Variants in QTGAL observed in about 807,000 individuals in gnomAD.
The protein encoded by QTGAL is BGnT-like protein 1.
the QTGAL span, among the ~76,000 whole-genome samples, chr17:83,039,661 G>T: frequency 6.6e-6 from 1 of 152,304 alleles, no homozygotes; most frequent in East Asian, 1.9e-4. Flanking sequence ...ACACACTGCA[G>T]ATTAGCTCAT....
At chr17:83,007,768 C>G in the QTGAL span, among the ~76,000 whole-genome samples, 1 of 152,144 alleles carries the variant, frequency 6.6e-6, no homozygotes, top group Admixed American at 6.5e-5. Flanking sequence ...AGAGTGAGGA[C>G]GGGGTGGGGG....
the QTGAL span, among the ~76,000 whole-genome samples, chr17:82,982,960 T>C: frequency 6.6e-6 from 1 of 152,136 alleles, no homozygotes; most frequent in Non-Finnish European, 1.5e-5. Flanking sequence ...GGGGGGTACA[T>C]AGGAACTCTC....
chr17:82,974,437 G>A, the QTGAL span, among the ~76,000 whole-genome samples: 2 of 152,196 alleles, frequency 1.3e-5, no homozygotes, highest in African/African-American at 4.8e-5. Flanking sequence ...GGAGCTGCCC[G>A]CAAAGCAGCC....
the QTGAL span, among the ~76,000 whole-genome samples, chr17:83,015,675 G>A: frequency 6.6e-6 from 1 of 152,238 alleles, no homozygotes; most frequent in African/African-American, 2.4e-5. This position sits in a 1 kb window ranked among gnomAD's most constrained non-coding sequence, Gnocchi z 4.4. Flanking sequence ...CAGCAGGAGT[G>A]AGCGGCGGCC....
At chr17:83,044,525 C>T in the QTGAL span, among the ~76,000 whole-genome samples, 139 of 152,296 alleles carry the variant, frequency 9.1e-4, no homozygotes, top group African/African-American at 3.2e-3. Flanking sequence ...CTACAGCTAA[C>T]GTCATATTCA....
chr17:83,038,796 T>G, the QTGAL span, among the ~76,000 whole-genome samples: 1 of 151,812 alleles, frequency 6.6e-6, no homozygotes, highest in South Asian at 2.1e-4. Flanking sequence ...GAGGTGGAGC[T>G]TGCAGTGAGC....
the QTGAL span, among the ~76,000 whole-genome samples, chr17:83,013,447 C>T: frequency 7.4e-6 from 1 of 135,818 alleles, no homozygotes; most frequent in Non-Finnish European, 1.6e-5. Flanking sequence ...CCCTCCCAAC[C>T]CCCTCTGGTT....
chr17:82,971,685 AC>A, the QTGAL span, among the ~76,000 whole-genome samples: 6 of 19,786 alleles, frequency 3.0e-4, no homozygotes, highest in Admixed American at 9.2e-4. Flanking sequence ...CCTGGTGCCC[AC>A]CACACCACAC....
the QTGAL span, among the ~76,000 whole-genome samples, chr17:82,955,835 C>T: frequency 6.6e-6 from 1 of 152,178 alleles, no homozygotes; most frequent in Non-Finnish European, 1.5e-5. Flanking sequence ...GGAATGAGTT[C>T]ATGTCCTTTG....
the QTGAL span, among the ~76,000 whole-genome samples, chr17:83,013,548 G>A: frequency 8.7e-5 from 13 of 149,078 alleles, no homozygotes; most frequent in African/African-American, 1.2e-4. Flanking sequence ...GAACTGTCAC[G>A]AGCACCCACT....
At chr17:82,993,923 AAAGT>A in the QTGAL span, among the ~76,000 whole-genome samples, 69 of 152,298 alleles carry the variant, frequency 4.5e-4, no homozygotes, top group South Asian at 1.4e-3. Flanking sequence ...GTCAATGAAG[AAAGT>A]AAGAAGGAAC....
At chr17:83,005,295 G>C in the QTGAL span, 33 of 1,146,902 alleles carry the variant, frequency 2.9e-5, no homozygotes, top group Non-Finnish European at 4.2e-5. The surrounding 1 kb of genome is among the most constrained non-coding windows in gnomAD (Gnocchi z 5.6). Flanking sequence ...CATCTCACAT[G>C]TTTTAGGCAG....
chr17:83,009,862 C>A, the QTGAL span, among the ~76,000 whole-genome samples: 3 of 151,870 alleles, frequency 2.0e-5, no homozygotes, highest in African/African-American at 7.3e-5. Context: ...AGAAAAGAAA[C>A]CAGTTGCATT....
the QTGAL span, among the ~76,000 whole-genome samples, chr17:82,953,487 A>G: frequency 6.6e-6 from 1 of 152,232 alleles, no homozygotes; most frequent in African/African-American, 2.4e-5. Context: ...CCCTGAAAAG[A>G]CCAATAACAA....
chr17:82,950,256 C>G, the QTGAL span, among the ~76,000 whole-genome samples: 1 of 152,190 alleles, frequency 6.6e-6, no homozygotes. Context: ...CAGCCGGCTC[C>G]CTGGGAAGGG....
chr17:82,972,532 G>A, the QTGAL span, among the ~76,000 whole-genome samples: 3 of 108,278 alleles, frequency 2.8e-5, no homozygotes, highest in Admixed American at 9.5e-5. Context: ...ACCTGGTGCC[G>A]ACCACACCAC....
At chr17:82,972,618 A>C in the QTGAL span, among the ~76,000 whole-genome samples, 2 of 104,840 alleles carry the variant, frequency 1.9e-5, no homozygotes, top group Non-Finnish European at 1.8e-5. Flanking sequence ...GACACACCAC[A>C]CCATGGGCCA....
the QTGAL span, chr17:82,947,185 G>A: frequency 1.9e-6 from 1 of 519,920 alleles, no homozygotes; most frequent in Admixed American, 3.6e-5. Flanking sequence ...AGGCCCTGTT[G>A]GTCACCAGAG....
the QTGAL span, among the ~76,000 whole-genome samples, chr17:82,998,531 G>C: frequency 6.6e-6 from 1 of 152,090 alleles, no homozygotes; most frequent in East Asian, 1.9e-4. Flanking sequence ...ATTTTTAGTA[G>C]AGATGGGGTG....
Sources: allele counts gnomAD v4.1 joint callset (sites outside exome capture counted in the v4.1 genomes callset), GRCh38; gene constraint gnomAD v4.1.1; non-coding constraint Gnocchi (gnomAD v3.1); transcripts MANE v1.5; gene names NCBI Gene and HGNC (gene_info 2026-07-23, HGNC 2026-07-21).